Variants in PCDHA4 observed in about 807,000 individuals in gnomAD.
PCDHA4 encodes protocadherin alpha-4.
A neutral mutation model predicts 61.4 loss-of-function variants in PCDHA4; 49 were observed. The ratio of observed to expected loss-of-function variants is 0.80; its 90% CI spans 0.63 to 1.01. PCDHA4 has a LOEUF of 1.01. PCDHA4 is among the 50% of genes least tolerant of loss of function. The pLI, the probability that PCDHA4 is intolerant of heterozygous loss-of-function variation, is 0.00. For missense variants in PCDHA4, 1,254 were observed against 1,235.8 expected (o/e 1.01, Z -0.22); for synonymous variants, 590 against 550.3 (o/e 1.07, Z -1.01).
At chr5:140,822,630 TGAC>T (rs2150117881) in intron 1 of PCDHA4, 10 of 1,611,342 alleles carry the variant, frequency 6.2e-6, no homozygotes, top group Non-Finnish European at 4.2e-6. Flanking sequence ...ATCTTGTTCT[TGAC>T]GATGTAAAGT....
At chr5:140,876,192 G>A (rs782181168) in intron 1 of PCDHA4, 6 of 1,613,732 alleles carry the variant, frequency 3.7e-6, no homozygotes, top group African/African-American at 1.3e-5. Context: ...ACAATGGTCC[G>A]GCGTTTGATA....
chr5:140,854,175 A>AAAAGAGT, intron 1 of PCDHA4: 1 of 674,398 alleles, frequency 1.5e-6, no homozygotes, highest in Non-Finnish European at 1.8e-6. Context: ...AAAAAAAAAA[A>AAAAGAGT]AGAGTAGTTT....
chr5:140,947,020 G>A (rs782772876), intron 1 of PCDHA4, among the ~76,000 whole-genome samples: 3 of 151,616 alleles, frequency 2.0e-5, no homozygotes, highest in Non-Finnish European at 4.4e-5. Flanking sequence ...AATGTTTGAG[G>A]TAATGGATAT....
intron 1 of PCDHA4, chr5:140,841,298 T>C (rs1554138068): frequency 6.4e-7 from 1 of 1,567,044 alleles, no homozygotes; most frequent in Admixed American, 2.0e-5. Flanking sequence ...GATAATATTT[T>C]CTGATAGGAA....
chr5:140,941,438 C>T (rs1408570275), intron 1 of PCDHA4, among the ~76,000 whole-genome samples: 4 of 150,764 alleles, frequency 2.7e-5, no homozygotes, highest in African/African-American at 7.3e-5. Context: ...GCCTCAGCCT[C>T]GGGAGTAGCT....
In PCDHA4 at chr5:141,011,816, A is replaced by G. The variant is rs1382441831; in HGVS notation, c.*1879A>G. The G allele has an allele frequency of 1.3e-5, 2 of 153,794 alleles. No homozygotes were observed. Among genetic ancestry groups the G allele is most frequent in the Admixed American group, 1.3e-4 (2 of 15,280 alleles). The allele number at this position is 153,794 out of a possible 1,614,324, so 9.5% of individuals were successfully genotyped here. On this transcript the variant is annotated 3_prime_UTR_variant, in exon 4 of 4. Transcript: ENST00000530339. ...TCTGAAATATCAGCTCATAGAAAGT[A>G]ACAAAATTTGCTGTCACCTTAAATA...
In PCDHA4 at chr5:140,967,370, G is replaced by A. The variant is rs1554229504; in HGVS notation, c.2386-11579G>A. ...CGAGCTGGACCTTAAGCCCCTGCAGGAGAACAGTAAAGTGCTTGAGCTGGT... is the reference window on the plus strand; with the variant it reads ...CGAGCTGGACCTTAAGCCCCTGCAGAAGAACAGTAAAGTGCTTGAGCTGGT... On this transcript the variant is annotated intron_variant, in intron 1 of 3. Transcript: ENST00000530339. The A allele has an allele frequency of 3.1e-6, 5 of 1,607,662 alleles. No individual in the cohort carries two copies. The South Asian group carries it at 3.3e-5, about 11-fold the overall frequency.
chr5:140,942,120 A>G (rs2093234009), intron 1 of PCDHA4, among the ~76,000 whole-genome samples: 1 of 152,234 alleles, frequency 6.6e-6, no homozygotes, highest in South Asian at 2.1e-4. Flanking sequence ...ACTTTATTAA[A>G]GGTGATATTT....
At chr5:140,975,560 A>T (rs1302523568) in intron 1 of PCDHA4, among the ~76,000 whole-genome samples, 1 of 152,238 alleles carries the variant, frequency 6.6e-6, no homozygotes, top group Non-Finnish European at 1.5e-5. Flanking sequence ...AAGGAAAAGG[A>T]GATATTATAT....
intron 1 of PCDHA4, among the ~76,000 whole-genome samples, chr5:140,898,789 C>T (rs1424905656): frequency 6.6e-6 from 1 of 152,162 alleles, no homozygotes; most frequent in Non-Finnish European, 1.5e-5. Context: ...GCAGTATGGC[C>T]ATTTTCACGA....
At chr5:140,914,542 T>C (rs1323797101) in intron 1 of PCDHA4, among the ~76,000 whole-genome samples, 2 of 152,202 alleles carry the variant, frequency 1.3e-5, no homozygotes, top group Non-Finnish European at 2.9e-5. Context: ...ACTTTATTTC[T>C]TTTTATTGGA....
In PCDHA4 at chr5:140,846,938, C is replaced by A. The variant is rs1187863995; in HGVS notation, c.2385+37366C>A. 2.7e-5 allele frequency among the ~76,000 whole-genome samples: 4 copies of A among 149,452 alleles called. 2 individuals are homozygous for A. The highest frequency in any genetic ancestry group is 6.0e-5 in the Non-Finnish European group (4 of 66,840). On this transcript the variant is annotated intron_variant, in intron 1 of 3. Coordinates refer to ENST00000530339, the MANE Select transcript of PCDHA4 (RefSeq NM_018907.4). ...TCCTATTTGAATTTTTGAAGAAATACTTGAAGGGGCATGGTGTGTTTCAGT... is the reference window on the plus strand; with the variant it reads ...TCCTATTTGAATTTTTGAAGAAATAATTGAAGGGGCATGGTGTGTTTCAGT...
chr5:140,989,127 A>G (rs914524582), intron 3 of PCDHA4: 2 of 152,216 alleles, frequency 1.3e-5, no homozygotes, highest in Non-Finnish European at 2.9e-5. Context: ...TAGAAAAATA[A>G]GACACTTTAT....
At chr5:140,823,720 C>T in intron 1 of PCDHA4, 1 of 1,613,952 alleles carries the variant, frequency 6.2e-7, no homozygotes, top group Non-Finnish European at 8.5e-7. Context: ...CCTTCTGGTG[C>T]TGGTGAAGGA....
intron 1 of PCDHA4, among the ~76,000 whole-genome samples, chr5:140,902,664 A>G (rs2069638514): frequency 6.6e-6 from 1 of 152,128 alleles, no homozygotes. Context: ...CTGTCACCCA[A>G]GCAGTGTACA....
intron 1 of PCDHA4, chr5:140,822,602 T>C (rs1454231935): frequency 1.9e-6 from 3 of 1,611,816 alleles, no homozygotes; most frequent in Non-Finnish European, 2.5e-6. Flanking sequence ...AATAAGGAAA[T>C]AGTGTATTTC....
chr5:140,968,272 A>G (rs369285531), intron 1 of PCDHA4: 1 of 1,613,936 alleles, frequency 6.2e-7, no homozygotes, highest in African/African-American at 1.3e-5. Context: ...AGGAGAATGC[A>G]GAGGTGACCT....
At chr5:140,915,861 G>A (rs2077339820) in intron 1 of PCDHA4, among the ~76,000 whole-genome samples, 1 of 152,182 alleles carries the variant, frequency 6.6e-6, no homozygotes, top group African/African-American at 2.4e-5. Flanking sequence ...AGCCAAGTTT[G>A]CATCCTTCCC....
chr5:140,933,372 C>T (rs1332069734), intron 1 of PCDHA4, among the ~76,000 whole-genome samples: 2 of 151,918 alleles, frequency 1.3e-5, no homozygotes, highest in African/African-American at 2.4e-5. Flanking sequence ...TCCCAAATTC[C>T]TTGGCTGTTC....
Sources: allele counts gnomAD v4.1 joint callset (sites outside exome capture counted in the v4.1 genomes callset), GRCh38; gene constraint gnomAD v4.1.1; transcripts MANE v1.5; gene names NCBI Gene and HGNC (gene_info 2026-07-23, HGNC 2026-07-21).